SLC25A13: variants seen among roughly 807,000 people sequenced by gnomAD.
SLC25A13 encodes the protein electrogenic aspartate/glutamate antiporter SLC25A13, mitochondrial.
Under a neutral mutation model 85.5 loss-of-function variants are expected in SLC25A13, and 70 were observed. The ratio of observed to expected loss-of-function variants is 0.82; its 90% CI spans 0.68 to 1.00. SLC25A13 has a LOEUF of 1.00. Ranked by LOEUF, SLC25A13 falls within the 50% of genes least tolerant of loss-of-function variation. SLC25A13 has a pLI of 0.00. For synonymous variants in SLC25A13, 259 were observed against 288.7 expected, an observed-to-expected ratio of 0.90 and a Z score of 1.04; for missense variants, 765 against 819.8, an observed-to-expected ratio of 0.93 and a Z score of 0.82.
chr7:96,153,777 A>C (rs1793141103), intron 13 of SLC25A13, among the ~76,000 whole-genome samples: 1 of 152,252 alleles, frequency 6.6e-6, no homozygotes. Flanking sequence ...GGGACCCGAC[A>C]TTCAAAAACA....
At chr7:96,184,095 T>G (rs539304541) in intron 11 of SLC25A13, among the ~76,000 whole-genome samples, 182 bp downstream of exon 11, 1 of 152,358 alleles carries the variant, frequency 6.6e-6, no homozygotes, top group South Asian at 2.1e-4. Context: ...TTTCAGATTA[T>G]GGGCTGTTTT....
At chr7:96,232,610 A>T (rs6964534) in intron 4 of SLC25A13, among the ~76,000 whole-genome samples, 48,995 of 147,326 alleles carry the variant, frequency 0.33, 8,557 homozygotes, top group East Asian at 0.58. Flanking sequence ...AAAAAAATTT[A>T]AAAAAATTTT....
chr7:96,154,271 A>G (rs1793164651), intron 13 of SLC25A13, among the ~76,000 whole-genome samples: 1 of 151,408 alleles, frequency 6.6e-6, no homozygotes, highest in Non-Finnish European at 1.5e-5. Flanking sequence ...CCAAATACGT[A>G]GAGTCACAGA....
chr7:96,193,238 A>G (rs932005457), intron 5 of SLC25A13, 55 bp from the exon 6 acceptor site: 9 of 1,584,482 alleles, frequency 5.7e-6, no homozygotes, highest in East Asian at 2.3e-5. Context: ...AATAATTACT[A>G]CAAATGACAG....
intron 5 of SLC25A13, among the ~76,000 whole-genome samples, chr7:96,201,683 T>C (rs1584447919): frequency 6.6e-6 from 1 of 152,326 alleles, no homozygotes; most frequent in Non-Finnish European, 1.5e-5. Flanking sequence ...CCAGTTCTAC[T>C]ACAAGCGATT....
intron 17 of SLC25A13, 74 bp downstream of exon 17, chr7:96,121,581 G>T: frequency 6.8e-7 from 1 of 1,471,176 alleles, no homozygotes; most frequent in South Asian, 1.1e-5. Context: ...AGACTAGACT[G>T]AGGTACCTTT....
intron 3 of SLC25A13, among the ~76,000 whole-genome samples, chr7:96,270,644 A>C (rs1388782176): frequency 6.6e-6 from 1 of 152,190 alleles, no homozygotes; most frequent in East Asian, 1.9e-4. Context: ...GCAGGAGGAT[A>C]GCCTGAGCCT....
At chr7:96,185,309 T>C (rs1794589885) in intron 9 of SLC25A13, among the ~76,000 whole-genome samples, 1 of 152,138 alleles carries the variant, frequency 6.6e-6, no homozygotes, top group South Asian at 2.1e-4. Flanking sequence ...GTTAAAAACA[T>C]CACTGAGGCC....
chr7:96,276,077 G>A (rs1798439499), intron 3 of SLC25A13, among the ~76,000 whole-genome samples: 1 of 152,166 alleles, frequency 6.6e-6, no homozygotes. Flanking sequence ...AGAGTGATAG[G>A]TAACTGCAAT....
intron 3 of SLC25A13, among the ~76,000 whole-genome samples, chr7:96,256,884 T>A (rs1206982372): frequency 6.6e-6 from 1 of 152,146 alleles, no homozygotes; most frequent in Non-Finnish European, 1.5e-5. Flanking sequence ...CACAGTGCAA[T>A]CAAAGTAGAA....
At chr7:96,243,272 C>A (rs1797061333) in intron 3 of SLC25A13, among the ~76,000 whole-genome samples, 1 of 152,164 alleles carries the variant, frequency 6.6e-6, no homozygotes. Context: ...GCCCCAGAGT[C>A]TGACTCTTTT....
At position 96,189,353 on chromosome 7, in the gene SLC25A13, G is replaced by T; in HGVS notation, c.874C>A (p.Arg292=). The change falls in exon 9 of 18, where the codon CGG becomes AGG. Residue 292 remains arginine (R), a synonymous_variant. Coordinates refer to ENST00000265631, the MANE Select transcript of SLC25A13 (RefSeq NM_014251.3). ...RGRMTLADIE[R]IAPLEEGTLP... is the part of the protein sequence containing the mutation. ...GTTCCCTCTTCCAGAGGAGCAATCC[G>T]TTCAATGTCTGCTAAGGTCATACGT... 1 of 1,614,100 alleles carries T rather than the reference G, an allele frequency of 6.2e-7. No homozygotes were observed. The highest frequency in any genetic ancestry group is 1.1e-5 in the South Asian group (1 of 91,084).
In SLC25A13 at chr7:96,306,142, A is replaced by G. The variant is rs115249719; in HGVS notation, c.16-9191T>C. On this transcript the variant is annotated intron_variant, in intron 1 of 17. Transcript: ENST00000265631. ...GTTGAGTAACTTCCCCAAGTCACAC[A>G]GTTAGCAAGTGGCAGAGCCCTAATT... Among the ~76,000 whole-genome samples, 1,441 of 152,344 alleles carry G rather than the reference A, an allele frequency of 9.5e-3. 23 individuals carry two copies. Among genetic ancestry groups the G allele is most frequent in the African/African-American group, 0.033 (1,383 of 41,576 alleles).
chr7:96,229,926 CCATTACTTTGGAAA>C (rs1376570147), intron 4 of SLC25A13, among the ~76,000 whole-genome samples: 1 of 152,170 alleles, frequency 6.6e-6, no homozygotes, highest in African/African-American at 2.4e-5. Context: ...TCCAGACACA[CCATTACTTTGGAAA>C]ACATTTTAGC....
chr7:96,293,083 C>T lies in SLC25A13; in HGVS notation c.69+3815G>A, dbSNP rs1469826666. On this transcript the variant is annotated intron_variant, in intron 2 of 17. Coordinates refer to ENST00000265631, the MANE Select transcript of SLC25A13 (RefSeq NM_014251.3). ...CACGGTACTGGTACCAAAACAGAGA[C>T]ATAGACCAATGGAACAGAACAGAGG... is the stretch of plus-strand genomic sequence containing the variant. Among the ~76,000 whole-genome samples the T allele has an allele frequency of 3.3e-5, 5 of 152,094 alleles. 1 individual carries two copies. Among genetic ancestry groups the T allele is most frequent in the Admixed American group, 2.0e-4 (3 of 15,248 alleles).
intron 6 of SLC25A13, 63 bp from the exon 7 acceptor site, chr7:96,191,310 G>C: frequency 1.3e-6 from 2 of 1,537,774 alleles, no homozygotes; most frequent in Non-Finnish European, 1.8e-6. Flanking sequence ...TGATTCAGAA[G>C]TACATACATC....
intron 4 of SLC25A13, among the ~76,000 whole-genome samples, chr7:96,213,843 T>C (rs544680260): frequency 1.3e-5 from 2 of 152,238 alleles, no homozygotes; most frequent in African/African-American, 2.4e-5. Context: ...CATGTAGCAC[T>C]AGTATATATT....
In SLC25A13 at chr7:96,191,102, C is replaced by T; in HGVS notation, c.754+7G>A. 4 of 1,613,950 alleles carry T rather than the reference C, an allele frequency of 2.5e-6. No individual in the cohort carries two copies. The highest frequency in any genetic ancestry group is 3.4e-6 in the Non-Finnish European group (4 of 1,179,986). On this transcript the variant is annotated splice_region_variant and intron_variant, in intron 7 of 17. Transcript: ENST00000265631. ...GCAGGCTAGAATTCAGATATATTCT[C>T]ACTCACCCTTAGTCACTTCAACATC...
rs34958208 is a variant in SLC25A13 at position 96,286,284 on chromosome 7, C to CA, written c.70-8947dup. ...TGGGTGACAGAGTAAGACTCCATCT[C>CA]AAAAAAAAAAAAAAAAAAAATCTGT... is the stretch of plus-strand genomic sequence containing the variant. On this transcript the variant is annotated intron_variant, in intron 2 of 17. Coordinates refer to ENST00000265631, the MANE Select transcript of SLC25A13 (RefSeq NM_014251.3). Among the ~76,000 whole-genome samples, 625 of 109,294 alleles carry CA rather than the reference C, an allele frequency of 5.7e-3. 11 individuals are homozygous for CA. The highest frequency in any genetic ancestry group is 0.02 in the Middle Eastern group (4 of 198). The allele number at this position is 109,294 out of a possible 152,430, so 71.7% of individuals were successfully genotyped here.
Sources: gnomAD v4.1 joint callset for allele counts (sites outside exome capture counted in the v4.1 genomes callset) on GRCh38, gnomAD v4.1.1 for gene constraint, MANE v1.5 for transcripts, NCBI Gene and HGNC (gene_info 2026-07-23, HGNC 2026-07-21) for gene names.